Variants in PDE11A observed in about 807,000 individuals in gnomAD.
PDE11A encodes phosphodiesterase 11A.
A neutral mutation model predicts 100.5 loss-of-function variants in PDE11A; 100 were observed. That is an observed-to-expected ratio of 1.00 (90% CI 0.85 to 1.18). The LOEUF is 1.18. PDE11A is among the 50% of genes most tolerant of loss of function. PDE11A has a pLI of 0.00. For missense variants in PDE11A, 1,141 were observed against 1,152.6 expected, an observed-to-expected ratio of 0.99 and a Z score of 0.15; for synonymous variants, 381 against 420.8, an observed-to-expected ratio of 0.91 and a Z score of 1.16.
intron 10 of PDE11A, among the ~76,000 whole-genome samples, chr2:177,766,223 G>A (rs754719854): frequency 1.8e-4 from 28 of 152,242 alleles, no homozygotes; most frequent in South Asian, 2.1e-4. Context: ...TTCTCATAAG[G>A]AGCACGCAAC....
chr2:177,846,313 A>G (rs2083602149), intron 5 of PDE11A, among the ~76,000 whole-genome samples: 1 of 152,342 alleles, frequency 6.6e-6, no homozygotes, highest in African/African-American at 2.4e-5. Flanking sequence ...TAATTCATGC[A>G]AAGTGCTCAG....
intron 2 of PDE11A, among the ~76,000 whole-genome samples, chr2:177,961,068 A>G (rs1559024748): frequency 6.6e-6 from 1 of 152,156 alleles, no homozygotes; most frequent in East Asian, 1.9e-4. Context: ...TGCTGCCCCC[A>G]AATGGAGTAA....
intron 10 of PDE11A, among the ~76,000 whole-genome samples, chr2:177,755,673 C>G (rs746894639): frequency 6.6e-6 from 1 of 152,184 alleles, no homozygotes; most frequent in Non-Finnish European, 1.5e-5. Flanking sequence ...GTGGGCCAAG[C>G]GGACCAATCA....
rs2087130641 is a variant in PDE11A at position 178,071,572 on chromosome 2, T to C, written c.866A>G (p.Tyr289Cys). 1 of 1,613,334 alleles carries C rather than the reference T, an allele frequency of 6.2e-7. No individual in the cohort carries two copies. The change falls in exon 1 of 20, where the codon TAT (tyrosine) becomes TGT (cysteine). Residue 289 changes from tyrosine to cysteine, a missense_variant. Transcript: ENST00000286063. ...GACCGTTTCTCCATGCTCCCCGACA[T>C]AGCCAATGATACCTTTGCCCCAGGG... is the stretch of plus-strand genomic sequence containing the variant. ...QVPWGKGIIG[Y>C]VGEHGETVNI...
At chr2:177,786,394 C>T (rs964628825) in intron 9 of PDE11A, among the ~76,000 whole-genome samples, 69 of 152,002 alleles carry the variant, frequency 4.5e-4, no homozygotes, top group African/African-American at 1.7e-3. Flanking sequence ...CTGTACATCA[C>T]CATCATCAAA....
At chr2:177,701,358 T>C (rs939305284) in intron 13 of PDE11A, 147 bp from the exon 14 acceptor site, 1 of 673,508 alleles carries the variant, frequency 1.5e-6, no homozygotes, top group Non-Finnish European at 2.7e-6. Flanking sequence ...CATTCATCTA[T>C]GAAATAAATC....
chr2:177,764,604 A>G (rs1232242908), intron 10 of PDE11A, among the ~76,000 whole-genome samples: 1 of 152,332 alleles, frequency 6.6e-6, no homozygotes, highest in East Asian at 1.9e-4. Flanking sequence ...AAAGCCTTTA[A>G]ACCAGCCATC....
At chr2:177,762,629 T>G (rs2082184793) in intron 10 of PDE11A, among the ~76,000 whole-genome samples, 1 of 152,094 alleles carries the variant, frequency 6.6e-6, no homozygotes, top group African/African-American at 2.4e-5. Context: ...TCCTGCGCCT[T>G]CCCGTGTGAC....
intron 19 of PDE11A, among the ~76,000 whole-genome samples, chr2:177,660,817 C>T (rs1454128847): frequency 6.6e-6 from 1 of 152,228 alleles, no homozygotes; most frequent in Admixed American, 6.5e-5. Context: ...TTGACAAGCA[C>T]AACCCTTTTA....
intron 9 of PDE11A, among the ~76,000 whole-genome samples, chr2:177,810,668 GA>G (rs2082937196): frequency 8.5e-6 from 1 of 117,354 alleles, no homozygotes; most frequent in South Asian, 2.5e-4. Flanking sequence ...CCAGGGGTAG[GA>G]AAGTTTGGTA....
chr2:178,014,065 C>T (rs1012962827), intron 2 of PDE11A, among the ~76,000 whole-genome samples: 58 of 151,930 alleles, frequency 3.8e-4, no homozygotes, highest in African/African-American at 1.3e-3. Flanking sequence ...AGAATACTAC[C>T]GAGGCTTATA....
intron 12 of PDE11A, among the ~76,000 whole-genome samples, chr2:177,718,703 A>T (rs1174905630): frequency 1.3e-5 from 2 of 152,232 alleles, no homozygotes; most frequent in Admixed American, 1.3e-4. Context: ...CAGTAGTGGA[A>T]TTACAGTTGG....
At position 177,707,555 on chromosome 2, in the gene PDE11A, T is replaced by A. The variant is rs111860567; in HGVS notation, c.2153+4214A>T. Among the ~76,000 whole-genome samples the A allele has an allele frequency of 3.2e-3, 493 of 152,314 alleles. 5 individuals are homozygous for A. The highest frequency in any genetic ancestry group is 4.8e-3 in the Non-Finnish European group (328 of 68,016). On this transcript the variant is annotated intron_variant, in intron 13 of 19. Transcript: ENST00000286063. ...GAATATCAGCTCCATCCTTCTCTCC[T>A]CTTTGTAGACTGGTTTTCTTGTTTT...
chr2:177,810,382 A>G (rs547837956), intron 9 of PDE11A, among the ~76,000 whole-genome samples: 10 of 152,358 alleles, frequency 6.6e-5, no homozygotes, highest in Non-Finnish European at 1.0e-4. Flanking sequence ...CAGCAGAGGT[A>G]AACATACAGA....
chr2:177,822,874 T>C (rs541715567), intron 6 of PDE11A, among the ~76,000 whole-genome samples: 13 of 152,260 alleles, frequency 8.5e-5, no homozygotes, highest in Admixed American at 4.6e-4. Context: ...TATTTTCTAA[T>C]GCTTGTAATT....
chr2:178,071,883 A>AT lies in PDE11A; in HGVS notation c.554dup (p.Tyr185Ter). The change falls in exon 1 of 20, where the codon TAT becomes TAAT. Residue 185 changes from tyrosine (Y) to a stop codon, truncating the protein, a stop_gained and frameshift_variant. Coordinates refer to ENST00000286063, the MANE Select transcript of PDE11A (RefSeq NM_016953.4). LOFTEE classifies it high-confidence loss of function. ...ACTTGTAGTCGATGGCTGTAGGGGG[A>AT]TACCGAGGCAGATTCACTCTCGATT... ...LLESRVNLPR[Y>*]PPTAIDYKCH... 6.2e-7 allele frequency: 1 copy of AT among 1,613,602 alleles called. No homozygotes were observed. The highest frequency in any genetic ancestry group is 8.5e-7 in the Non-Finnish European group (1 of 1,179,678).
chr2:177,876,155 T>C (rs1325940590), intron 4 of PDE11A, among the ~76,000 whole-genome samples: 4 of 152,242 alleles, frequency 2.6e-5, no homozygotes, highest in Admixed American at 2.6e-4. Context: ...TCACTAAACA[T>C]GTACATATTT....
chr2:178,039,733 A>T (rs2086660514), intron 1 of PDE11A, among the ~76,000 whole-genome samples: 1 of 152,010 alleles, frequency 6.6e-6, no homozygotes, highest in Non-Finnish European at 1.5e-5. Context: ...TAGTAGAATG[A>T]TAAATTGTGA....
chr2:177,958,302 C>T (rs571550639), intron 2 of PDE11A, among the ~76,000 whole-genome samples: 172 of 152,268 alleles, frequency 1.1e-3, no homozygotes, highest in Admixed American at 2.0e-3. Context: ...ATGACCTTGA[C>T]GGAGAAATGT....
Sources: allele counts gnomAD v4.1 joint callset (sites outside exome capture counted in the v4.1 genomes callset), GRCh38; gene constraint gnomAD v4.1.1; transcripts MANE v1.5; gene names NCBI Gene and HGNC (gene_info 2026-07-23, HGNC 2026-07-21).